Variants in NPSR1 observed in about 807,000 individuals in gnomAD.
The protein encoded by NPSR1 is neuropeptide S receptor 1.
NPSR1 carries 48 observed loss-of-function variants against 46.9 expected under a neutral mutation model. The ratio of observed to expected loss-of-function variants is 1.02; its 90% CI spans 0.81 to 1.30. The LOEUF is 1.30. NPSR1 is among the 50% of genes most tolerant of loss of function. The probability of loss-of-function intolerance (pLI) is 0.00; values close to 1 mark genes in which losing one functional copy is unlikely to be tolerated. For synonymous variants in NPSR1, 176 were observed against 168.1 expected, an observed-to-expected ratio of 1.05 and a Z score of -0.36; for missense variants, 450 against 449.5, an observed-to-expected ratio of 1.00 and a Z score of -0.01.
At chr7:34,838,292 C>T (rs1031037143) in intron 6 of NPSR1, among the ~76,000 whole-genome samples, 3 of 152,242 alleles carry the variant, frequency 2.0e-5, no homozygotes, top group African/African-American at 7.2e-5. Flanking sequence ...TAGAGTATGC[C>T]ATTACTCCCT....
At chr7:34,848,787 A>C (rs1036661410) in intron 8 of NPSR1, 124 bp downstream of exon 8, 1 of 831,216 alleles carries the variant, frequency 1.2e-6, no homozygotes, top group Non-Finnish European at 1.9e-6. Flanking sequence ...TATAGATGAG[A>C]GGCTTGAGAG....
chr7:34,878,034 C>T (rs576362940), intron 8 of NPSR1: 3 of 1,198,770 alleles, frequency 2.5e-6, no homozygotes, highest in Admixed American at 2.0e-5. Flanking sequence ...ATAGGAAGAC[C>T]CAGGTCCCTA....
Position 34,795,637 on chromosome 7 carries a change from A to G in NPSR1, c.385-16133A>G, listed in dbSNP as rs146094755. On this transcript the variant is annotated intron_variant, in intron 3 of 8. Transcript: ENST00000360581. ...CAATAAACAAGTATAATTTGATATT[A>G]AAAAACAATATTATCTGCATTAGCA... Among the ~76,000 whole-genome samples, 536 of 152,278 alleles carry G rather than the reference A, an allele frequency of 3.5e-3. 2 individuals are homozygous for G. The highest frequency in any genetic ancestry group is 0.012 in the African/African-American group (498 of 41,574).
intron 8 of NPSR1, among the ~76,000 whole-genome samples, chr7:34,870,203 T>C (rs529657964): frequency 2.0e-4 from 30 of 151,914 alleles, no homozygotes; most frequent in African/African-American, 7.3e-4. Context: ...CAGAACACCT[T>C]CAGCAGTTAC....
chr7:34,777,477 T>A (rs1207648050), intron 2 of NPSR1, among the ~76,000 whole-genome samples: 1 of 149,666 alleles, frequency 6.7e-6, no homozygotes, highest in Non-Finnish European at 1.5e-5. Context: ...GTCAGAGATT[T>A]AAAACTGTTT....
intron 2 of NPSR1, among the ~76,000 whole-genome samples, chr7:34,757,773 T>G (rs1212615650): frequency 6.6e-6 from 1 of 152,202 alleles, no homozygotes; most frequent in East Asian, 1.9e-4. Flanking sequence ...GCTAGTCTGC[T>G]CCGCATATCT....
At chr7:34,662,305 C>T (rs1256896348) in intron 1 of NPSR1, among the ~76,000 whole-genome samples, 1 of 152,122 alleles carries the variant, frequency 6.6e-6, no homozygotes, top group Non-Finnish European at 1.5e-5. Context: ...ACAGTTTGTT[C>T]CCTTTGTTTG....
intron 8 of NPSR1, among the ~76,000 whole-genome samples, chr7:34,864,164 T>C (rs1378510732): frequency 5.9e-5 from 9 of 151,718 alleles, no homozygotes; most frequent in Non-Finnish European, 1.0e-4. Context: ...TAAGTGTCAG[T>C]TGAACAATGA....
At chr7:34,663,001 G>C (rs1791531569) in intron 1 of NPSR1, among the ~76,000 whole-genome samples, 1 of 150,234 alleles carries the variant, frequency 6.7e-6, no homozygotes, top group Admixed American at 6.7e-5. Context: ...CTGGCTTCGG[G>C]AAGGCATCTA....
intron 1 of NPSR1, among the ~76,000 whole-genome samples, chr7:34,677,512 C>T (rs1250874557): frequency 6.6e-6 from 1 of 152,142 alleles, no homozygotes; most frequent in Non-Finnish European, 1.5e-5. Flanking sequence ...AAAAGGCTAT[C>T]AGAATGTAAT....
intron 1 of NPSR1, among the ~76,000 whole-genome samples, chr7:34,661,126 A>G (rs1791432844): frequency 6.6e-6 from 1 of 152,208 alleles, no homozygotes; most frequent in African/African-American, 2.4e-5. Flanking sequence ...ATTTTGTCAA[A>G]TAAGCAACAG....
intron 6 of NPSR1, among the ~76,000 whole-genome samples, chr7:34,843,567 G>A (rs999628519): frequency 2.0e-5 from 3 of 152,242 alleles, no homozygotes; most frequent in Non-Finnish European, 2.9e-5. Context: ...TTTATGGAGA[G>A]TGTGTGATCT....
chr7:34,731,474 C>T (rs1001442009), intron 2 of NPSR1, among the ~76,000 whole-genome samples: 1 of 151,514 alleles, frequency 6.6e-6, no homozygotes, highest in Admixed American at 6.6e-5. Flanking sequence ...AAAATGGTAT[C>T]AATGAAATAT....
At chr7:34,841,811 G>A (rs538265714) in intron 6 of NPSR1, among the ~76,000 whole-genome samples, 2 of 152,260 alleles carry the variant, frequency 1.3e-5, no homozygotes, top group South Asian at 4.1e-4. Context: ...AAACTTTTCT[G>A]AAAGACCAAC....
At position 34,746,420 on chromosome 7, in the gene NPSR1, TTA is replaced by T. The variant is rs558138785; in HGVS notation, c.281-32040_281-32039del. ...CAGTATATTATTGTTGTTCATTTCTTTATGTGCCTGATTTATAAATTAAATTT... is the reference window on the plus strand; with the variant it reads ...CAGTATATTATTGTTGTTCATTTCTTTGTGCCTGATTTATAAATTAAATTT... On this transcript the variant is annotated intron_variant, in intron 2 of 8. Coordinates refer to ENST00000360581, the MANE Select transcript of NPSR1 (RefSeq NM_207172.2). Among the ~76,000 whole-genome samples the T allele has an allele frequency of 5.0e-4, 76 of 152,362 alleles. 1 individual carries two copies. Among genetic ancestry groups the T allele is most frequent in the Admixed American group, 4.5e-3 (69 of 15,308 alleles).
At chr7:34,859,155 A>C (rs1249480924) in intron 8 of NPSR1, among the ~76,000 whole-genome samples, 1 of 151,750 alleles carries the variant, frequency 6.6e-6, no homozygotes, top group Admixed American at 6.5e-5. Context: ...CTCTGTGTTC[A>C]GAGCCATCAT....
chr7:34,702,848 G>C (rs1436200676), intron 2 of NPSR1, among the ~76,000 whole-genome samples: 1 of 152,006 alleles, frequency 6.6e-6, no homozygotes, highest in Non-Finnish European at 1.5e-5. Context: ...TGTCTTTTTT[G>C]GTTACCCAAG....
At chr7:34,821,492 T>C (rs1789559984) in intron 4 of NPSR1, among the ~76,000 whole-genome samples, 1 of 152,062 alleles carries the variant, frequency 6.6e-6, no homozygotes, top group Non-Finnish European at 1.5e-5. Context: ...TTGAATGTGG[T>C]GGACAAAAGG....
intron 2 of NPSR1, among the ~76,000 whole-genome samples, chr7:34,710,378 G>C (rs1390022343): frequency 6.6e-6 from 1 of 152,200 alleles, no homozygotes; most frequent in African/African-American, 2.4e-5. Context: ...TGAATTAACT[G>C]TTTCTAGATT....
Sources: allele counts gnomAD v4.1 joint callset (sites outside exome capture counted in the v4.1 genomes callset), GRCh38; gene constraint gnomAD v4.1.1; transcripts MANE v1.5; gene names NCBI Gene and HGNC (gene_info 2026-07-23, HGNC 2026-07-21).